Variants in ATRNL1 observed in about 807,000 individuals in gnomAD.
ATRNL1 encodes attractin like 1.
A neutral mutation model predicts 182.7 loss-of-function variants in ATRNL1; 95 were observed. The ratio of observed to expected loss-of-function variants is 0.52; its 90% CI spans 0.44 to 0.62. ATRNL1 has a LOEUF of 0.62. Ranked by LOEUF, ATRNL1 falls within the 20% of genes least tolerant of loss-of-function variation. ATRNL1 has a pLI of 0.00. For missense variants in ATRNL1, 1,471 were observed against 1,679.5 expected (o/e 0.88, Z 2.17); for synonymous variants, 576 against 568.3 (o/e 1.01, Z -0.19).
rs1846045842 is a variant in ATRNL1 at position 115,147,979 on chromosome 10, T to C, written c.830-12061T>C. ...GTTCCATATGAATTTTAGAATTGTT[T>C]TTTCTAATTTTGTGAAAAATGACTA... On this transcript the variant is annotated intron_variant, in intron 5 of 28. Transcript: ENST00000355044. Among the ~76,000 whole-genome samples, 3 of 152,168 alleles carry C rather than the reference T, an allele frequency of 2.0e-5. No individual in the cohort carries two copies. The South Asian group carries it at 6.2e-4, about 32-fold the overall frequency.
intron 28 of ATRNL1, among the ~76,000 whole-genome samples, chr10:115,898,647 C>T (rs1034199134): frequency 7.9e-5 from 12 of 152,184 alleles, no homozygotes; most frequent in Non-Finnish European, 1.2e-4. Flanking sequence ...AACAGGTCTC[C>T]ACTCCACTGT....
intron 21 of ATRNL1, among the ~76,000 whole-genome samples, chr10:115,451,283 AG>A (rs1847267457): frequency 6.6e-6 from 1 of 152,206 alleles, no homozygotes; most frequent in Admixed American, 6.5e-5. Flanking sequence ...ATCTAATTAA[AG>A]AGCTTCTGCA....
intron 8 of ATRNL1, among the ~76,000 whole-genome samples, chr10:115,187,477 A>T (rs1847985688): frequency 6.6e-6 from 1 of 152,154 alleles, no homozygotes; most frequent in Non-Finnish European, 1.5e-5. Context: ...CATGGTGACA[A>T]CAAATGCATG....
chr10:115,160,888 T>A (rs1424941923), intron 6 of ATRNL1, among the ~76,000 whole-genome samples: 1 of 151,912 alleles, frequency 6.6e-6, no homozygotes, highest in African/African-American at 2.4e-5. Context: ...AGCTTGGGCA[T>A]CAAACAATCA....
intron 27 of ATRNL1, among the ~76,000 whole-genome samples, chr10:115,834,262 CTTCT>C (rs1438380751): frequency 6.6e-6 from 1 of 152,110 alleles, no homozygotes; most frequent in Non-Finnish European, 1.5e-5. Context: ...TCCAATATTC[CTTCT>C]TTATTTTGTC....
intron 19 of ATRNL1, among the ~76,000 whole-genome samples, chr10:115,370,164 T>C (rs1481396069): frequency 2.6e-5 from 4 of 152,216 alleles, no homozygotes; most frequent in Non-Finnish European, 5.9e-5. Context: ...TCCCCAGCCA[T>C]GTGGAACTGT....
rs149734611 is a variant in ATRNL1 at position 115,764,426 on chromosome 10, T to C, written c.3903+37071T>C. On this transcript the variant is annotated intron_variant, in intron 27 of 28. Transcript: ENST00000355044. ...TATCATTATAGTATCATACAGAGTATGTTCAATGCCCTAAAAATTCTCTGT... is the reference window on the plus strand; with the variant it reads ...TATCATTATAGTATCATACAGAGTACGTTCAATGCCCTAAAAATTCTCTGT... Among the ~76,000 whole-genome samples, 462 of 152,274 alleles carry C rather than the reference T, an allele frequency of 3.0e-3. 3 individuals are homozygous for C. The highest frequency in any genetic ancestry group is 0.01 in the African/African-American group (432 of 41,556).
chr10:115,134,577 C>T (rs919879209), intron 5 of ATRNL1, among the ~76,000 whole-genome samples: 24 of 152,182 alleles, frequency 1.6e-4, no homozygotes, highest in South Asian at 6.2e-4. Context: ...CAGGACCAGA[C>T]GGATTCACAG....
Position 115,948,734 on chromosome 10 carries a change from ACAAGC to A in ATRNL1, c.*3958_*3962del, listed in dbSNP as rs1555126650. 6.6e-6 allele frequency: 1 copy of A among 152,238 alleles called. No individual in the cohort carries two copies. The highest frequency in any genetic ancestry group is 2.4e-5 in the African/African-American group (1 of 41,460). The allele number at this position is 152,238 out of a possible 1,614,324, so 9.4% of individuals were successfully genotyped here. A position where few individuals can be genotyped will look rare whatever the true frequency, so the allele number is the denominator to read the frequency against. On this transcript the variant is annotated 3_prime_UTR_variant, in exon 29 of 29. Transcript: ENST00000355044. ...TGCTTTAAAGAATTTTCCAAGGAATACAAGCCATCTGGTTGGTGTTAGTTATAGCA... is the reference window on the plus strand; with the variant it reads ...TGCTTTAAAGAATTTTCCAAGGAATACATCTGGTTGGTGTTAGTTATAGCA...
At chr10:115,812,149 TCTGTG>T (rs1555087132) in intron 27 of ATRNL1, among the ~76,000 whole-genome samples, 3 of 152,130 alleles carry the variant, frequency 2.0e-5, no homozygotes, top group African/African-American at 7.2e-5. Context: ...TTATTTTTAA[TCTGTG>T]TTATATATTT....
At chr10:115,850,097 A>G (rs1033763416) in intron 28 of ATRNL1, among the ~76,000 whole-genome samples, 2 of 152,234 alleles carry the variant, frequency 1.3e-5, no homozygotes, top group South Asian at 4.2e-4. Context: ...CAGTGGTTCT[A>G]CTCTTTAAAT....
intron 26 of ATRNL1, among the ~76,000 whole-genome samples, chr10:115,708,503 T>C (rs1555053635): frequency 2.0e-5 from 3 of 151,754 alleles, no homozygotes; most frequent in Admixed American, 6.6e-5. Context: ...TATAAACTCT[T>C]TCTTCCTTTT....
intron 17 of ATRNL1, among the ~76,000 whole-genome samples, chr10:115,312,600 G>A (rs1201977883): frequency 6.6e-6 from 1 of 152,100 alleles, no homozygotes; most frequent in Non-Finnish European, 1.5e-5. Flanking sequence ...TGTTGTTTGT[G>A]CAATGAATCT....
chr10:115,717,548 C>CTTTTTTTTTTTTTTTTTT lies in ATRNL1; in HGVS notation c.3796-9696_3796-9679dup, dbSNP rs61386440. ...TGATTTTCCCGCTGCCTGAAATGTT[C>CTTTTTTTTTTTTTTTTTT]TTTTTTTTTTTTTTTTTTTTTGAGA... On this transcript the variant is annotated intron_variant, in intron 26 of 28. Coordinates refer to ENST00000355044, the MANE Select transcript of ATRNL1 (RefSeq NM_207303.4). Among the ~76,000 whole-genome samples, 7 of 84,360 alleles carry CTTTTTTTTTTTTTTTTTT rather than the reference C, an allele frequency of 8.3e-5. 1 individual carries two copies. The highest frequency in any genetic ancestry group is 8.7e-5 in the African/African-American group (2 of 23,052). The allele number at this position is 84,360 out of a possible 152,430, so 55.3% of individuals were successfully genotyped here. A position where few individuals can be genotyped will look rare whatever the true frequency, so the allele number is the denominator to read the frequency against.
chr10:115,329,757 A>G lies in ATRNL1; in HGVS notation c.3038-4525A>G, dbSNP rs1456409824. 3.9e-5 allele frequency among the ~76,000 whole-genome samples: 6 copies of G among 152,138 alleles called. 1 individual carries two copies. The highest frequency in any genetic ancestry group is 3.3e-4 in the Admixed American group (5 of 15,268). ...TTTTGCATCTCATTACTTTAAGTCT[A>G]TGCACATTCTTAAAGGTGAATTGAA... On this transcript the variant is annotated intron_variant, in intron 18 of 28. Coordinates refer to ENST00000355044, the MANE Select transcript of ATRNL1 (RefSeq NM_207303.4).
chr10:115,748,817 G>T (rs911920701), intron 27 of ATRNL1, among the ~76,000 whole-genome samples: 1 of 151,826 alleles, frequency 6.6e-6, no homozygotes, highest in Non-Finnish European at 1.5e-5. Flanking sequence ...ATTATGTTTA[G>T]CTTCCATAGC....
chr10:115,938,670 C>T (rs1953636010), intron 28 of ATRNL1, among the ~76,000 whole-genome samples: 1 of 152,042 alleles, frequency 6.6e-6, no homozygotes, highest in African/African-American at 2.4e-5. Flanking sequence ...TATTATACAG[C>T]CTTAAAAAGA....
At chr10:115,504,970 A>G (rs1301215277) in intron 24 of ATRNL1, among the ~76,000 whole-genome samples, 1 of 152,114 alleles carries the variant, frequency 6.6e-6, no homozygotes, top group African/African-American at 2.4e-5. Context: ...AACATGTTTT[A>G]TAACCCAGAG....
chr10:115,816,502 T>C (rs566486218), intron 27 of ATRNL1, among the ~76,000 whole-genome samples: 1 of 152,252 alleles, frequency 6.6e-6, no homozygotes, highest in African/African-American at 2.4e-5. Flanking sequence ...AGTAAGGCCA[T>C]ATATTGTCAT....
Sources: gnomAD v4.1 joint callset for allele counts (sites outside exome capture counted in the v4.1 genomes callset) on GRCh38, gnomAD v4.1.1 for gene constraint, MANE v1.5 for transcripts, NCBI Gene and HGNC (gene_info 2026-07-23, HGNC 2026-07-21) for gene names.